SEPTIN9: variants seen among roughly 807,000 people sequenced by gnomAD.
The protein encoded by SEPTIN9 is septin 9, also known as septin-9.
A neutral mutation model predicts 56.6 loss-of-function variants in SEPTIN9; 13 were observed. The ratio of observed to expected loss-of-function variants is 0.23; its 90% CI spans 0.15 to 0.37. SEPTIN9 has a LOEUF of 0.37. SEPTIN9 is among the 10% of genes least tolerant of loss of function. The pLI is 1.00. For missense variants in SEPTIN9, 650 were observed against 823.1 expected (o/e 0.79, Z 2.57); for synonymous variants, 332 against 334.1 (o/e 0.99, Z 0.07).
intron 2 of SEPTIN9, among the ~76,000 whole-genome samples, chr17:77,363,187 G>C (rs1365303940): frequency 1.3e-5 from 2 of 152,152 alleles, no homozygotes; most frequent in African/African-American, 2.4e-5. Flanking sequence ...GTCCAGCTTG[G>C]GGGGACCCAA....
chr17:77,338,211 A>G (rs947110822), intron 2 of SEPTIN9, among the ~76,000 whole-genome samples: 1 of 152,118 alleles, frequency 6.6e-6, no homozygotes, highest in Non-Finnish European at 1.5e-5. Context: ...AAAAAAGAAA[A>G]AAGTTATGTT....
chr17:77,360,944 G>A lies in SEPTIN9; in HGVS notation c.77-41115G>A, dbSNP rs377056813. ...TTTTTTTTTTTTTTTTTTTTGAGAC[G>A]GGGTCTCTCTCTGTTGCCCCCCAGG... On this transcript the variant is annotated intron_variant, in intron 2 of 11. Coordinates refer to ENST00000427177, the MANE Select transcript of SEPTIN9 (RefSeq NM_001113491.2). Among the ~76,000 whole-genome samples, 471 of 141,010 alleles carry A rather than the reference G, an allele frequency of 3.3e-3. 1 individual carries two copies. The highest frequency in any genetic ancestry group is 0.011 in the African/African-American group (409 of 37,846). The allele number at this position is 141,010 out of a possible 152,430, so 92.5% of individuals were successfully genotyped here.
intron 3 of SEPTIN9, among the ~76,000 whole-genome samples, chr17:77,439,727 G>A (rs1029409839): frequency 2.0e-5 from 3 of 152,222 alleles, no homozygotes; most frequent in East Asian, 1.9e-4. Flanking sequence ...CACCAGGCTC[G>A]TGAGTTGCTC....
rs73373362 is a variant in SEPTIN9 at position 77,402,878 on chromosome 17, C to G, written c.721+175C>G. ...GTCTGCAAGCTCAGGAGAGGTGGCT[C>G]TCTCTGTCTGATGGGAACATGCCAA... On this transcript the variant is annotated intron_variant, in intron 3 of 11. Transcript: ENST00000427177. The surrounding 1 kb of genome is among the most constrained non-coding windows in gnomAD (Gnocchi z 6.6). 2.6e-5 allele frequency among the ~76,000 whole-genome samples: 4 copies of G among 152,178 alleles called. No individual in the cohort carries two copies.
chr17:77,475,523 G>A lies in SEPTIN9; in HGVS notation c.722-6621G>A. ...TATAGGACCTGAAGTGCCCCCATGG[G>A]CTCAAGTTTCTGGGAAGGCCTGCAG... On this transcript the variant is annotated intron_variant, in intron 3 of 11. Transcript: ENST00000427177. This position sits in a 1 kb window ranked among gnomAD's most constrained non-coding sequence, Gnocchi z 4.6. The A allele has an allele frequency of 1.2e-6, 2 of 1,611,414 alleles. No homozygotes were observed. Among genetic ancestry groups the A allele is most frequent in the Non-Finnish European group, 1.7e-6 (2 of 1,179,350 alleles).
At chr17:77,335,578 A>G (rs199593429) in intron 2 of SEPTIN9, among the ~76,000 whole-genome samples, 19 of 135,776 alleles carry the variant, frequency 1.4e-4, no homozygotes, top group Non-Finnish European at 2.4e-4. Flanking sequence ...ATGTAGTCCT[A>G]TATTAGTATA....
chr17:77,475,211 G>A lies in SEPTIN9; in HGVS notation c.722-6933G>A. 1 of 1,249,892 alleles carries A rather than the reference G, an allele frequency of 8.0e-7. No individual in the cohort carries two copies. Among genetic ancestry groups the A allele is most frequent in the Non-Finnish European group, 1.0e-6 (1 of 992,658 alleles). 77.4% of individuals were successfully genotyped at this position (1,249,892 alleles called of 1,614,324 possible). The stretch of plus-strand genomic sequence containing the variant: ...TTCACAAACCCTGTGTGGGGGGGTT[G>A]TGGTGAGAGGAAACCGCACACATCA... On this transcript the variant is annotated intron_variant, in intron 3 of 11. Transcript: ENST00000427177. This position sits in a 1 kb window ranked among gnomAD's most constrained non-coding sequence, Gnocchi z 4.6.
At chr17:77,498,421 C>G in intron 11 of SEPTIN9, 102 bp from the exon 12 acceptor site, 44 of 687,694 alleles carry the variant, frequency 6.4e-5, no homozygotes, top group East Asian at 2.2e-4. Flanking sequence ...GGGGTGGGGG[C>G]AGGCGGGCCT....
At chr17:77,494,644 A>G (rs190007482) in intron 10 of SEPTIN9, among the ~76,000 whole-genome samples, 47 of 152,370 alleles carry the variant, frequency 3.1e-4, no homozygotes, top group African/African-American at 9.4e-4. Context: ...CTGGCTAGAC[A>G]TGGGTTATCT....
intron 2 of SEPTIN9, among the ~76,000 whole-genome samples, chr17:77,343,806 T>G (rs1011759539): frequency 1.3e-5 from 2 of 152,066 alleles, no homozygotes; most frequent in Non-Finnish European, 2.9e-5. Context: ...AAACCACACA[T>G]CTGGTGTCAG....
At chr17:77,320,100 A>C in intron 2 of SEPTIN9, 2 of 1,444,722 alleles carry the variant, frequency 1.4e-6, no homozygotes, top group Non-Finnish European at 1.8e-6. Flanking sequence ...AGACAATGCT[A>C]CTTCAGTTTG....
chr17:77,340,557 C>G (rs1024430279), intron 2 of SEPTIN9, among the ~76,000 whole-genome samples: 12 of 152,160 alleles, frequency 7.9e-5, no homozygotes, highest in African/African-American at 2.9e-4. Flanking sequence ...TCTTAAGGGC[C>G]CTAGGATTTT....
intron 1 of SEPTIN9, among the ~76,000 whole-genome samples, chr17:77,306,572 C>G (rs898748683): frequency 1.3e-5 from 2 of 152,256 alleles, no homozygotes; most frequent in Admixed American, 6.5e-5. Context: ...TTGTTCCCTC[C>G]TGGGGCAAAA....
intron 2 of SEPTIN9, among the ~76,000 whole-genome samples, chr17:77,359,424 C>T (rs1247847663): frequency 6.6e-6 from 1 of 152,212 alleles, no homozygotes; most frequent in African/African-American, 2.4e-5. Context: ...AAACGTCTTC[C>T]AATCAGGAGC....
chr17:77,466,062 A>T (rs1347730417), intron 3 of SEPTIN9, among the ~76,000 whole-genome samples: 159 of 66,640 alleles, frequency 2.4e-3, no homozygotes, highest in African/African-American at 7.4e-3. Context: ...TGTCACACAC[A>T]CACACACACA....
chr17:77,378,100 T>G (rs1405469215), intron 2 of SEPTIN9, among the ~76,000 whole-genome samples: 1 of 152,068 alleles, frequency 6.6e-6, no homozygotes, highest in East Asian at 1.9e-4. Context: ...AGCGGGGCTG[T>G]GGGTTCTCTG....
chr17:77,301,097 C>T (rs529574550), intron 1 of SEPTIN9, among the ~76,000 whole-genome samples: 15 of 151,354 alleles, frequency 9.9e-5, no homozygotes, highest in Admixed American at 3.9e-4. Context: ...AGGCTCAAAC[C>T]GCCCCCACCC....
intron 2 of SEPTIN9, among the ~76,000 whole-genome samples, chr17:77,368,635 A>G (rs1432034339): frequency 6.6e-6 from 1 of 152,234 alleles, no homozygotes; most frequent in Non-Finnish European, 1.5e-5. Context: ...TTTATATTAC[A>G]TATATTTTAT....
chr17:77,342,187 C>CA lies in SEPTIN9; in HGVS notation c.76+34991dup, dbSNP rs540660714. Among the ~76,000 whole-genome samples the CA allele has an allele frequency of 7.9e-5, 12 of 152,242 alleles. No homozygotes were observed. In the South Asian group the frequency reaches 1.9e-3, roughly 24 times the overall value. The stretch of plus-strand genomic sequence containing the variant: ...TTTCAAGAATCATCAAACTCCTACA[C>CA]AGAGACACAGTGTTAACATGTTGTT... On this transcript the variant is annotated intron_variant, in intron 2 of 11. Coordinates refer to ENST00000427177, the MANE Select transcript of SEPTIN9 (RefSeq NM_001113491.2).
Sources: gnomAD v4.1 joint callset for allele counts (sites outside exome capture counted in the v4.1 genomes callset) on GRCh38, gnomAD v4.1.1 for gene constraint, Gnocchi (gnomAD v3.1) non-coding constraint, MANE v1.5 for transcripts, NCBI Gene and HGNC (gene_info 2026-07-23, HGNC 2026-07-21) for gene names.